The following KMT2C variants were observed in gnomAD, a reference collection of about 807,000 sequenced individuals.
The protein encoded by KMT2C is histone-lysine N-methyltransferase 2C.
KMT2C carries 88 observed loss-of-function variants against 507.9 expected under a neutral mutation model. The ratio of observed to expected loss-of-function variants is 0.17; its 90% confidence interval spans 0.15 to 0.21. The LOEUF is 0.21. Among genes scored for constraint, KMT2C ranks in the 10% least tolerant of loss-of-function variants. The pLI is 1.00. For synonymous variants in KMT2C, 2,049 were observed against 2,080.8 expected (o/e 0.98, Z 0.42); for missense variants, 4,954 against 5,957.8 (o/e 0.83, Z 5.55).
chr7:152,318,708 G>A (rs1340564168), intron 3 of KMT2C, among the ~76,000 whole-genome samples: 3 of 150,946 alleles, frequency 2.0e-5, no homozygotes, highest in Non-Finnish European at 2.9e-5. Flanking sequence ...GGACAAAAAT[G>A]TTGATGGGAA....
intron 23 of KMT2C, among the ~76,000 whole-genome samples, chr7:152,210,420 C>G (rs2094428422): frequency 6.6e-6 from 1 of 152,114 alleles, no homozygotes; most frequent in South Asian, 2.1e-4. Context: ...ATGCATGTAC[C>G]ATAAAGATTA....
intron 6 of KMT2C, among the ~76,000 whole-genome samples, chr7:152,284,812 G>A (rs1588900907): frequency 6.6e-6 from 1 of 152,168 alleles, no homozygotes; most frequent in Non-Finnish European, 1.5e-5. Context: ...ATAAAAAGAG[G>A]CTCAATCTAA....
chr7:152,333,609 C>G (rs1006705060), intron 2 of KMT2C, among the ~76,000 whole-genome samples: 1 of 152,116 alleles, frequency 6.6e-6, no homozygotes, highest in African/African-American at 2.4e-5. Context: ...TATCTCTTAT[C>G]GCTCAGATTA....
At chr7:152,160,309 G>A (rs1460192461) in intron 43 of KMT2C, among the ~76,000 whole-genome samples, 1 of 152,152 alleles carries the variant, frequency 6.6e-6, no homozygotes, top group Admixed American at 6.5e-5. Flanking sequence ...AGCTGGTCTA[G>A]AAATGCAGAT....
intron 31 of KMT2C, among the ~76,000 whole-genome samples, chr7:152,191,928 C>A (rs1476551806): frequency 6.6e-6 from 1 of 151,774 alleles, no homozygotes; most frequent in African/African-American, 2.4e-5. Context: ...TTATACTGTA[C>A]TATAATACAC....
intron 1 of KMT2C, among the ~76,000 whole-genome samples, chr7:152,431,705 G>A (rs2097864037): frequency 1.3e-5 from 2 of 152,040 alleles, no homozygotes; most frequent in Admixed American, 6.6e-5. Flanking sequence ...GCAATCCTGA[G>A]TCAACTTTTC....
Position 152,182,580 on chromosome 7 carries a change from T to A in KMT2C, c.5280A>T (p.Lys1760Asn). 1 of 1,573,796 alleles carries A rather than the reference T, an allele frequency of 6.4e-7. No individual in the cohort carries two copies. The change falls in exon 36 of 59, where the codon AAA becomes AAT. Residue 1760 changes from lysine to asparagine, a missense_variant. By Grantham distance (94) the Lys-to-Asn change is moderately conservative (BLOSUM62 0). Around this residue, in one of 29 missense-constraint regions of KMT2C, gnomAD observed 16 missense variants for 42.6 expected, o/e 0.38. Coordinates refer to ENST00000262189, the MANE Select transcript of KMT2C (RefSeq NM_170606.3). ...CTTCAATTTTAGCTTGCTGCTTACT[T>A]TTCTGACGCATTTGCTATTAAAATA... is the stretch of plus-strand genomic sequence containing the variant. ...EWKFRQQMRQ[K>N]SKQQAKIEAT... is the part of the protein sequence containing the mutation.
intron 6 of KMT2C, among the ~76,000 whole-genome samples, chr7:152,280,579 G>C (rs1205924585): frequency 6.6e-6 from 1 of 151,890 alleles, no homozygotes; most frequent in Non-Finnish European, 1.5e-5. Flanking sequence ...CCCTACAACT[G>C]CATAGAACTG....
At chr7:152,365,352 T>TA (rs1159291215) in intron 1 of KMT2C, among the ~76,000 whole-genome samples, 1 of 151,980 alleles carries the variant, frequency 6.6e-6, no homozygotes, top group Non-Finnish European at 1.5e-5. Flanking sequence ...CTGCTAAAAA[T>TA]ACAAAAATCA....
chr7:152,193,917 G>A, intron 31 of KMT2C, 92 bp downstream of exon 31: 14 of 1,215,330 alleles, frequency 1.2e-5, no homozygotes, highest in Non-Finnish European at 1.5e-5. Context: ...GGCTACTAAA[G>A]AATAGGGCAA....
At chr7:152,242,856 A>T (rs1047186188) in intron 14 of KMT2C, among the ~76,000 whole-genome samples, 1 of 152,166 alleles carries the variant, frequency 6.6e-6, no homozygotes, top group Non-Finnish European at 1.5e-5. Flanking sequence ...CAAACTTTAC[A>T]CCTCCAAATC....
In KMT2C at chr7:152,423,017, C is replaced by CAA. The variant is rs1322603206; in HGVS notation, c.161+12607_161+12608dup. On this transcript the variant is annotated intron_variant, in intron 1 of 58. Transcript: ENST00000262189. ...GGGCAACAGAGCGAGACTCTCATCT[C>CAA]AAAAAAAAAAAAAGAAAAAAAGAAA... is the stretch of plus-strand genomic sequence containing the variant. Among the ~76,000 whole-genome samples, 23 of 87,192 alleles carry CAA rather than the reference C, an allele frequency of 2.6e-4. No individual in the cohort carries two copies. The East Asian group carries it at 2.8e-3, about 11-fold the overall frequency. 57.2% of individuals were successfully genotyped at this position (87,192 alleles called of 152,430 possible). A position where few individuals can be genotyped will look rare whatever the true frequency, so the allele number is the denominator to read the frequency against.
chr7:152,376,813 G>T lies in KMT2C; in HGVS notation c.162-18138C>A, dbSNP rs57424791. On this transcript the variant is annotated intron_variant, in intron 1 of 58. Coordinates refer to ENST00000262189, the MANE Select transcript of KMT2C (RefSeq NM_170606.3). ...GCTGGAGGTGGCTATACTAAACAAGGTGTTTTATGTAGACAAAAGAGCCTT... is the reference window on the plus strand; with the variant it reads ...GCTGGAGGTGGCTATACTAAACAAGTTGTTTTATGTAGACAAAAGAGCCTT... Among the ~76,000 whole-genome samples, 16 of 132,072 alleles carry T rather than the reference G, an allele frequency of 1.2e-4. No homozygotes were observed. The South Asian group carries it at 2.0e-3, about 16-fold the overall frequency. 86.6% of individuals were successfully genotyped at this position (132,072 alleles called of 152,430 possible).
chr7:152,355,888 G>C (rs1019338995), intron 2 of KMT2C, among the ~76,000 whole-genome samples: 1 of 152,148 alleles, frequency 6.6e-6, no homozygotes, highest in South Asian at 2.1e-4. Flanking sequence ...TGGATCAAGA[G>C]AGGCTATTTG....
intron 7 of KMT2C, among the ~76,000 whole-genome samples, chr7:152,265,688 T>C (rs2095848546): frequency 6.6e-6 from 1 of 152,164 alleles, no homozygotes; most frequent in Non-Finnish European, 1.5e-5. Flanking sequence ...ACTAAGATGC[T>C]TCTTAAGCAT....
At position 152,174,184 on chromosome 7, in the gene KMT2C, T is replaced by C. The variant is rs2093092857; in HGVS notation, c.9321A>G (p.Ile3107Met). 1 of 1,611,104 alleles carries C rather than the reference T, an allele frequency of 6.2e-7. No individual in the cohort carries two copies. ...MKAKMVALKG[I>M]NKVMAQNNLG... ...GATTGTTTTGTGCCATCACTTTATT[T>C]ATACCTTTAAGGGCCACCATTTTGG... The change falls in exon 39 of 59, where the codon ATA (isoleucine) becomes ATG (methionine). Residue 3107 changes from isoleucine to methionine, a missense_variant. Around this residue, in one of 29 missense-constraint regions of KMT2C, gnomAD observed 1,689 missense variants for 1,654.3 expected, o/e 1.02. Transcript: ENST00000262189.
intron 5 of KMT2C, among the ~76,000 whole-genome samples, chr7:152,310,724 C>T (rs2096664140): frequency 6.6e-6 from 1 of 151,552 alleles, no homozygotes; most frequent in Non-Finnish European, 1.5e-5. Flanking sequence ...TTTTTTGTTG[C>T]CCAGGCTGAA....
In KMT2C at chr7:152,220,581, C is replaced by G. The variant is rs2094734060; in HGVS notation, c.3654G>C (p.Gln1218His). The change falls in exon 23 of 59, where the codon CAG (glutamine) becomes CAC (histidine). Residue 1218 changes from glutamine to histidine, a missense_variant. Gln to His is a conservative substitution (Grantham distance 24, BLOSUM62 0). Transcript: ENST00000262189. Reference sequence around the variant, plus strand: ...GCTCTGATTGGATGTCTGGAGGGGTCTGAAGGACGGCCACGCTATTCTGAT... The same window carrying G: ...GCTCTGATTGGATGTCTGGAGGGGTGTGAAGGACGGCCACGCTATTCTGAT... The part of the protein sequence containing the change: ...IINQNSVAVL[Q>H]TPPDIQSEHS... The G allele has an allele frequency of 6.2e-7, 1 of 1,611,956 alleles. No individual in the cohort carries two copies.
intron 6 of KMT2C, among the ~76,000 whole-genome samples, chr7:152,297,047 A>AGACAGAGAGAG (rs1563766837): frequency 2.9e-5 from 2 of 68,976 alleles, no homozygotes; most frequent in East Asian, 3.5e-4. Context: ...GAAAGAAAGA[A>AGACAGAGAGAG]AGAAAGACAG....
Sources: gnomAD v4.1 joint callset for allele counts (sites outside exome capture counted in the v4.1 genomes callset) on GRCh38, gnomAD v4.1.1 for gene constraint, gnomAD v4.1.1 regional missense constraint, MANE v1.5 for transcripts, NCBI Gene and HGNC (gene_info 2026-07-23, HGNC 2026-07-21) for gene names.